Variants in DOK5 observed in about 807,000 individuals in gnomAD.
The protein encoded by DOK5 is docking protein 5.
DOK5 carries 27 observed loss-of-function variants against 43.3 expected under a neutral mutation model. The observed-to-expected ratio is 0.62, with a 90% CI of 0.46 to 0.86. The LOEUF (loss-of-function observed/expected upper bound fraction) is 0.86, where lower values mean the gene tolerates loss of function less well. DOK5 is among the 40% of genes least tolerant of loss of function. The pLI, the probability that DOK5 is intolerant of heterozygous loss-of-function variation, is 0.00. For synonymous variants in DOK5, 146 were observed against 140.1 expected (o/e 1.04, Z -0.30); for missense variants, 373 against 392.9 (o/e 0.95, Z 0.43).
intron 1 of DOK5, among the ~76,000 whole-genome samples, chr20:54,504,443 A>G (rs2146681160): frequency 6.6e-6 from 1 of 152,274 alleles, no homozygotes; most frequent in African/African-American, 2.4e-5. Context: ...CAAGATCTGG[A>G]AGTTTTAGGG....
intron 6 of DOK5, among the ~76,000 whole-genome samples, chr20:54,639,886 G>C (rs534472770): frequency 1.3e-5 from 2 of 152,218 alleles, no homozygotes; most frequent in Non-Finnish European, 2.9e-5. Flanking sequence ...ATAAATGTGA[G>C]CTATACGTAC....
At chr20:54,543,705 A>G (rs1331906234) in intron 1 of DOK5, among the ~76,000 whole-genome samples, 1 of 152,152 alleles carries the variant, frequency 6.6e-6, no homozygotes, top group Admixed American at 6.6e-5. Context: ...GTGTATATGT[A>G]TATAAACTAG....
intron 7 of DOK5, among the ~76,000 whole-genome samples, chr20:54,648,953 C>T (rs1979571371): frequency 6.6e-6 from 1 of 152,312 alleles, no homozygotes; most frequent in East Asian, 1.9e-4. Context: ...TTTCCGAACT[C>T]TTCTGTGGGA....
chr20:54,584,348 C>A (rs992519115), intron 2 of DOK5, among the ~76,000 whole-genome samples: 4 of 151,188 alleles, frequency 2.6e-5, no homozygotes, highest in African/African-American at 9.7e-5. Context: ...ATAGGTATTT[C>A]TTTTCTGGTT....
Position 54,578,046 on chromosome 20 carries a change from C to T in DOK5, c.175-10437C>T, listed in dbSNP as rs150802717. Among the ~76,000 whole-genome samples the T allele has an allele frequency of 1.1e-4, 16 of 152,180 alleles. No homozygotes were observed. The East Asian group carries it at 2.9e-3, about 28-fold the overall frequency. On this transcript the variant is annotated intron_variant, in intron 2 of 7. Transcript: ENST00000262593. ...GGTTTGATTTACATATCCCCAAATC[C>T]TAGGGAGAGAATCATTTTTGCCAAA...
At chr20:54,538,959 A>G (rs1025826645) in intron 1 of DOK5, among the ~76,000 whole-genome samples, 2 of 152,182 alleles carry the variant, frequency 1.3e-5, no homozygotes, top group African/African-American at 2.4e-5. Flanking sequence ...TTACACACAT[A>G]TAACATCGTT....
At chr20:54,514,158 G>A (rs1283328685) in intron 1 of DOK5, among the ~76,000 whole-genome samples, 1 of 152,178 alleles carries the variant, frequency 6.6e-6, no homozygotes, top group Non-Finnish European at 1.5e-5. Flanking sequence ...AGGGACATGT[G>A]GCTCTGAATA....
chr20:54,521,512 C>T (rs112547159), intron 1 of DOK5, among the ~76,000 whole-genome samples: 4 of 152,072 alleles, frequency 2.6e-5, no homozygotes, highest in African/African-American at 9.7e-5. Context: ...ATAAAGGATT[C>T]GACTCAGGAA....
chr20:54,528,135 G>A (rs896064992), intron 1 of DOK5, among the ~76,000 whole-genome samples: 1 of 152,114 alleles, frequency 6.6e-6, no homozygotes, highest in African/African-American at 2.4e-5. Flanking sequence ...TTGAACCTGT[G>A]GGGCGAGGTT....
At chr20:54,508,956 A>C (rs1325329451) in intron 1 of DOK5, among the ~76,000 whole-genome samples, 3 of 151,574 alleles carry the variant, frequency 2.0e-5, no homozygotes, top group Non-Finnish European at 4.4e-5. Context: ...GGCTCACTGC[A>C]ACCTCCGTCT....
chr20:54,550,469 A>G (rs1384342461), intron 1 of DOK5, among the ~76,000 whole-genome samples: 3 of 152,238 alleles, frequency 2.0e-5, no homozygotes, highest in African/African-American at 4.8e-5. Context: ...GCTACAGAAC[A>G]GTTCCATTGC....
chr20:54,543,554 TG>T (rs1984237524), intron 1 of DOK5, among the ~76,000 whole-genome samples: 2 of 151,208 alleles, frequency 1.3e-5, no homozygotes, highest in African/African-American at 4.9e-5. Flanking sequence ...TGTGTGTGTG[TG>T]TGTGTGTGTG....
chr20:54,595,901 T>G (rs1487640564), intron 5 of DOK5, among the ~76,000 whole-genome samples: 1 of 152,216 alleles, frequency 6.6e-6, no homozygotes, highest in East Asian at 1.9e-4. Context: ...TTAACTTTCC[T>G]TGTAAGTTGA....
chr20:54,507,623 A>G (rs1447279700), intron 1 of DOK5, among the ~76,000 whole-genome samples: 2 of 152,186 alleles, frequency 1.3e-5, no homozygotes, highest in Admixed American at 6.5e-5. Flanking sequence ...GTGTTGAATG[A>G]TGAGGTGTCT....
At chr20:54,522,233 A>G (rs1306688734) in intron 1 of DOK5, among the ~76,000 whole-genome samples, 1 of 151,988 alleles carries the variant, frequency 6.6e-6, no homozygotes. Context: ...GCACATAAAG[A>G]TCTCATAATG....
At chr20:54,523,649 A>C (rs1983486252) in intron 1 of DOK5, among the ~76,000 whole-genome samples, 1 of 152,092 alleles carries the variant, frequency 6.6e-6, no homozygotes. Context: ...CTTGTCGCCC[A>C]GGCTGGTCTG....
intron 1 of DOK5, among the ~76,000 whole-genome samples, chr20:54,505,173 G>T (rs1333532279): frequency 6.6e-6 from 1 of 152,066 alleles, no homozygotes; most frequent in Non-Finnish European, 1.5e-5. Flanking sequence ...GATATTATAG[G>T]CTCCAAATCA....
Position 54,588,606 on chromosome 20 carries a change from C to G in DOK5, c.289+9C>G. The G allele has an allele frequency of 6.2e-7, 1 of 1,614,106 alleles. No individual in the cohort carries two copies. Among genetic ancestry groups the G allele is most frequent in the Non-Finnish European group, 8.5e-7 (1 of 1,179,952 alleles). The stretch of plus-strand genomic sequence containing the variant: ...TTTTGCTTGCGAATCAGGTTTGTCT[C>G]AGGCAGGGCTGGGGGGCTTTTGCTT... On this transcript the variant is annotated intron_variant, in intron 3 of 7. Transcript: ENST00000262593.
chr20:54,522,288 A>G (rs1983430070), intron 1 of DOK5, among the ~76,000 whole-genome samples: 1 of 152,212 alleles, frequency 6.6e-6, no homozygotes, highest in Admixed American at 6.5e-5. Context: ...ATTTAAAGCC[A>G]TCCTGGGCTG....
Sources: gnomAD v4.1 joint callset for allele counts (sites outside exome capture counted in the v4.1 genomes callset) on GRCh38, gnomAD v4.1.1 for gene constraint, MANE v1.5 for transcripts, NCBI Gene and HGNC (gene_info 2026-07-23, HGNC 2026-07-21) for gene names.